IPCEF1: variants seen among roughly 807,000 people sequenced by gnomAD.
The protein encoded by IPCEF1 is interaction protein for cytohesin exchange factors 1.
A neutral mutation model predicts 50.9 loss-of-function variants in IPCEF1; 31 were observed. The ratio of observed to expected loss-of-function variants is 0.61; its 90% CI spans 0.46 to 0.82. The LOEUF (loss-of-function observed/expected upper bound fraction) is 0.82. Among genes scored for constraint, IPCEF1 ranks in the 40% least tolerant of loss-of-function variants. The pLI is 0.00. For missense variants in IPCEF1, 458 were observed against 514.0 expected (o/e 0.89, Z 1.05); for synonymous variants, 181 against 192.0 (o/e 0.94, Z 0.47).
chr6:154,274,213 A>G (rs1160583315), intron 2 of IPCEF1, among the ~76,000 whole-genome samples: 5 of 151,056 alleles, frequency 3.3e-5, no homozygotes, highest in Non-Finnish European at 7.4e-5. Flanking sequence ...CCTTCTCTCC[A>G]CTTTGATGAT....
chr6:154,351,427 G>A (rs17085343), intron 1 of IPCEF1, among the ~76,000 whole-genome samples: 7,195 of 152,110 alleles, frequency 0.047, 288 homozygotes, highest in African/African-American at 0.11. Flanking sequence ...AGACAATCAC[G>A]GATGTGCAAT....
intron 10 of IPCEF1, among the ~76,000 whole-genome samples, chr6:154,174,257 G>A (rs1800114819): frequency 6.6e-6 from 1 of 152,164 alleles, no homozygotes; most frequent in South Asian, 2.1e-4. Context: ...GGAAGAAACT[G>A]CATCAATTAA....
rs2128545071 is a variant in IPCEF1, at chr6:154,158,517, C to T, written c.*1311G>A. ...GAAAGGATAATCTAAGATGAAAGTC[C>T]TTTGCTGGTTAAAAGAGTGACTTAC... On this transcript the variant is annotated 3_prime_UTR_variant, in exon 12 of 12. Coordinates refer to ENST00000367220, the MANE Select transcript of IPCEF1 (RefSeq NM_001130700.2). 1 of 152,146 alleles carries T rather than the reference C, an allele frequency of 6.6e-6. No homozygotes were observed. The highest frequency in any genetic ancestry group is 2.1e-4 in the South Asian group (1 of 4,822). 9.4% of individuals were successfully genotyped at this position (152,146 alleles called of 1,614,324 possible). A position where few individuals can be genotyped will look rare whatever the true frequency, so the allele number is the denominator to read the frequency against.
intron 1 of IPCEF1, among the ~76,000 whole-genome samples, chr6:154,316,605 G>A (rs1783225707): frequency 6.6e-6 from 1 of 152,212 alleles, no homozygotes; most frequent in African/African-American, 2.4e-5. Context: ...ATGGTGGTTA[G>A]TTACCAAGGG....
chr6:154,188,339 A>G (rs1801566500), intron 10 of IPCEF1, among the ~76,000 whole-genome samples: 1 of 152,236 alleles, frequency 6.6e-6, no homozygotes, highest in African/African-American at 2.4e-5. Context: ...GAAATTTATT[A>G]TAAGATGTAA....
chr6:154,201,838 T>C (rs1160225991), intron 9 of IPCEF1, among the ~76,000 whole-genome samples: 1 of 152,158 alleles, frequency 6.6e-6, no homozygotes, highest in Non-Finnish European at 1.5e-5. Flanking sequence ...GAAGTTGCAG[T>C]GAGCCAAGAT....
intron 10 of IPCEF1, among the ~76,000 whole-genome samples, chr6:154,188,739 T>C (rs1445487966): frequency 2.6e-5 from 4 of 152,210 alleles, no homozygotes; most frequent in Admixed American, 2.6e-4. Flanking sequence ...AAGATGACAC[T>C]GAAGACTCAT....
chr6:154,278,490 T>C (rs1782121476), intron 2 of IPCEF1, among the ~76,000 whole-genome samples: 1 of 152,188 alleles, frequency 6.6e-6, no homozygotes, highest in Admixed American at 6.5e-5. Flanking sequence ...TAAAGTCACA[T>C]GGGTCAAAGA....
intron 10 of IPCEF1, among the ~76,000 whole-genome samples, chr6:154,173,020 C>G (rs1374742624): frequency 6.6e-6 from 1 of 152,210 alleles, no homozygotes; most frequent in Non-Finnish European, 1.5e-5. Flanking sequence ...GATACCCAGG[C>G]AAACAGGGTC....
At chr6:154,245,124 A>G (rs2128640929) in intron 5 of IPCEF1, among the ~76,000 whole-genome samples, 1 of 152,332 alleles carries the variant, frequency 6.6e-6, no homozygotes, top group South Asian at 2.1e-4. Flanking sequence ...GGTTGCCTCA[A>G]TTTGGGTAAA....
chr6:154,334,874 C>A (rs1245268301), intron 1 of IPCEF1, among the ~76,000 whole-genome samples: 2 of 152,220 alleles, frequency 1.3e-5, no homozygotes, highest in Non-Finnish European at 1.5e-5. Flanking sequence ...ACTAAAGAAG[C>A]CTCAAGGTCT....
chr6:154,169,103 G>A (rs935082497), intron 10 of IPCEF1, among the ~76,000 whole-genome samples: 1 of 147,556 alleles, frequency 6.8e-6, no homozygotes, highest in Non-Finnish European at 1.5e-5. Context: ...GCTCACGCCT[G>A]TAATCCCAAC....
At chr6:154,353,293 CTTTTTTTTTTT>C (rs914097422) in intron 1 of IPCEF1, among the ~76,000 whole-genome samples, 1 of 127,858 alleles carries the variant, frequency 7.8e-6, no homozygotes, top group Non-Finnish European at 1.6e-5. Context: ...TTTCCTTTTC[CTTTTTTTTTTT>C]TTTTTTTTTG....
chr6:154,283,248 C>T (rs1326365810), intron 2 of IPCEF1, among the ~76,000 whole-genome samples: 1 of 137,396 alleles, frequency 7.3e-6, no homozygotes, highest in Non-Finnish European at 1.5e-5. Context: ...GCCGAGATCA[C>T]GCACTGCACT....
At chr6:154,265,063 A>G (rs1354875218) in intron 3 of IPCEF1, among the ~76,000 whole-genome samples, 1 of 152,102 alleles carries the variant, frequency 6.6e-6, no homozygotes, top group Non-Finnish European at 1.5e-5. Context: ...AGGTCATTAG[A>G]TTTGCCAAAA....
chr6:154,192,318 C>CTGTGTGTG (rs56231733), intron 10 of IPCEF1, among the ~76,000 whole-genome samples: 7,551 of 148,008 alleles, frequency 0.051, 225 homozygotes, highest in South Asian at 0.13. Context: ...CACGTGGTTA[C>CTGTGTGTG]TGTGTGTGTG....
At chr6:154,204,959 T>C (rs1777370157) in intron 9 of IPCEF1, among the ~76,000 whole-genome samples, 1 of 152,186 alleles carries the variant, frequency 6.6e-6, no homozygotes, top group African/African-American at 2.4e-5. Context: ...TTCTGTCCCA[T>C]CACCACATCT....
chr6:154,298,096 G>C (rs142945668), intron 1 of IPCEF1, among the ~76,000 whole-genome samples: 1,593 of 152,228 alleles, frequency 0.01, 12 homozygotes, highest in Middle Eastern at 0.02. Flanking sequence ...AGGTTCAATG[G>C]GTAGGGTTAT....
At chr6:154,221,355 T>C (rs1476082707) in intron 6 of IPCEF1, 27 bp from the exon 7 acceptor site, 2 of 1,589,034 alleles carry the variant, frequency 1.3e-6, no homozygotes, top group East Asian at 2.2e-5. Context: ...CACAAACACA[T>C]AAAAAATTAG....
Sources: allele counts gnomAD v4.1 joint callset (sites outside exome capture counted in the v4.1 genomes callset), GRCh38; gene constraint gnomAD v4.1.1; transcripts MANE v1.5; gene names NCBI Gene and HGNC (gene_info 2026-07-23, HGNC 2026-07-21).